TM6SF1: variants seen among roughly 807,000 people sequenced by gnomAD.
TM6SF1 encodes transmembrane 6 superfamily member 1.
TM6SF1 carries 43 observed loss-of-function variants against 47.1 expected under a neutral mutation model. The observed-to-expected ratio is 0.91, with a 90% CI of 0.72 to 1.18. The LOEUF (loss-of-function observed/expected upper bound fraction) is 1.18. TM6SF1 is among the 50% of genes most tolerant of loss of function. The pLI is 0.00. For synonymous variants in TM6SF1, 177 were observed against 166.3 expected (o/e 1.06, Z -0.49); for missense variants, 390 against 449.0 (o/e 0.87, Z 1.19).
chr15:83,116,857 C>T (rs1475216903), intron 3 of TM6SF1, among the ~76,000 whole-genome samples: 1 of 152,146 alleles, frequency 6.6e-6, no homozygotes. Flanking sequence ...CTGATTCCTG[C>T]TTTGGAATTT....
Position 83,136,633 on chromosome 15 carries a change from G to C in TM6SF1, c.1074G>C (p.Glu358Asp). 6.2e-7 allele frequency: 1 copy of C among 1,605,426 alleles called. No individual in the cohort carries two copies. Among genetic ancestry groups the C allele is most frequent in the Non-Finnish European group, 8.5e-7 (1 of 1,177,770 alleles). ...CCTATCGTTGTATCTACAAACCAGA[G>C]TTCTTCATAAAAACAAAGGCAGAAG... ...LLAYRCIYKP[E>D]FFIKTKAEEK... Residue 358 changes from glutamate to aspartate, a missense_variant, in exon 10 of 10, where the codon GAG becomes GAC. Glu to Asp is a conservative substitution (Grantham distance 45). Coordinates refer to ENST00000322019, the MANE Select transcript of TM6SF1 (RefSeq NM_023003.5).
intron 5 of TM6SF1, 35 bp from the exon 6 acceptor site, chr15:83,122,722 T>C (rs778418717): frequency 6.2e-7 from 1 of 1,606,882 alleles, no homozygotes; most frequent in Admixed American, 1.7e-5. Flanking sequence ...AGATATGCTT[T>C]TGGTAACTTC....
intron 1 of TM6SF1, among the ~76,000 whole-genome samples, chr15:83,110,144 G>T (rs1477822954): frequency 1.3e-5 from 2 of 152,142 alleles, no homozygotes; most frequent in African/African-American, 2.4e-5. Context: ...ACCAGAAAAA[G>T]AAAATTAGAT....
At chr15:83,122,372 A>G (rs887459159) in intron 5 of TM6SF1, among the ~76,000 whole-genome samples, 18 of 152,190 alleles carry the variant, frequency 1.2e-4, no homozygotes, top group Non-Finnish European at 5.9e-5. Flanking sequence ...TTATTAATGT[A>G]TGCAGGAAAT....
At chr15:83,115,498 T>G in intron 2 of TM6SF1, 1 of 406,718 alleles carries the variant, frequency 2.5e-6, no homozygotes, top group Non-Finnish European at 4.7e-6. Flanking sequence ...ACTGCCCATG[T>G]GGGATGTGGG....
intron 3 of TM6SF1, 101 bp from the exon 4 acceptor site, chr15:83,119,477 A>G (rs925479818): frequency 1.0e-5 from 12 of 1,185,230 alleles, no homozygotes; most frequent in Non-Finnish European, 1.3e-5. Context: ...GCAGATGAAC[A>G]CAAGTTAGTT....
intron 7 of TM6SF1, among the ~76,000 whole-genome samples, chr15:83,125,551 A>G (rs990837402): frequency 6.6e-6 from 1 of 152,240 alleles, no homozygotes; most frequent in Non-Finnish European, 1.5e-5. Context: ...GCTCTTATAC[A>G]TAGTAAATGA....
chr15:83,127,643 T>C, intron 9 of TM6SF1, 166 bp downstream of exon 9: 1 of 687,030 alleles, frequency 1.5e-6, no homozygotes. Context: ...TACATTTTAT[T>C]TCAATCTCAC....
At chr15:83,108,291 G>T (rs1458805243) in intron 1 of TM6SF1, among the ~76,000 whole-genome samples, 2 of 152,152 alleles carry the variant, frequency 1.3e-5, no homozygotes, top group Non-Finnish European at 2.9e-5. Context: ...GCCTGGCTTT[G>T]GCACTGACGG....
At chr15:83,120,587 C>CTTTTT (rs993490763) in intron 4 of TM6SF1, among the ~76,000 whole-genome samples, 2 of 125,938 alleles carry the variant, frequency 1.6e-5, no homozygotes, top group African/African-American at 2.9e-5. Flanking sequence ...CCAGCTAATT[C>CTTTTT]TTTTTTTTTT....
intron 9 of TM6SF1, chr15:83,135,222 T>C (rs2036531189): frequency 6.6e-6 from 1 of 152,210 alleles, no homozygotes; most frequent in Non-Finnish European, 1.5e-5. Context: ...TTCATAAAGA[T>C]GCTGCTTAAA....
chr15:83,124,436 T>C (rs1051392205), intron 6 of TM6SF1, among the ~76,000 whole-genome samples: 2 of 152,168 alleles, frequency 1.3e-5, no homozygotes, highest in African/African-American at 2.4e-5. Context: ...AGTGGACTCA[T>C]AGAGCTACAA....
rs377236090 is a variant in TM6SF1 at position 83,121,274 on chromosome 15, G to A, written c.399-647G>A. On this transcript the variant is annotated intron_variant, in intron 4 of 9. Transcript: ENST00000322019. Reference sequence around the variant, plus strand: ...TTTTTGTACTTTTAGTAGAGATGGCGTTTCACCATGTTGGCCAGGCTGGTT... The same window carrying A: ...TTTTTGTACTTTTAGTAGAGATGGCATTTCACCATGTTGGCCAGGCTGGTT... 8.9e-5 allele frequency among the ~76,000 whole-genome samples: 13 copies of A among 145,934 alleles called. No individual in the cohort carries two copies. The East Asian group carries it at 1.4e-3, about 16-fold the overall frequency.
At position 83,121,914 on chromosome 15, in the gene TM6SF1, G is replaced by T. The variant is rs368217801; in HGVS notation, c.399-7G>T. On this transcript the variant is annotated splice_polypyrimidine_tract_variant and splice_region_variant and intron_variant, in intron 4 of 9. Transcript: ENST00000322019. ...AAGTCAAGATTTTTTTGTTGTTGTT[G>T]TTACAGGGAAACTTATAGAACCATT... 3.1e-5 allele frequency: 50 copies of T among 1,592,188 alleles called. No homozygotes were observed. In the African/African-American group the frequency reaches 6.4e-4, roughly 20 times the overall value.
intron 9 of TM6SF1, chr15:83,133,731 T>G (rs1285893969): frequency 2.6e-5 from 4 of 152,276 alleles, no homozygotes; most frequent in African/African-American, 9.6e-5. Context: ...CTTGTGCTGC[T>G]GGGAACATCA....
At chr15:83,135,832 A>G (rs1275481217) in intron 9 of TM6SF1, 1 of 152,138 alleles carries the variant, frequency 6.6e-6, no homozygotes, top group African/African-American at 2.4e-5. Flanking sequence ...TCCTACCTCC[A>G]CCCAAGTTGG....
chr15:83,110,541 G>A (rs1332415285), intron 1 of TM6SF1, among the ~76,000 whole-genome samples: 1 of 152,214 alleles, frequency 6.6e-6, no homozygotes, highest in Non-Finnish European at 1.5e-5. Flanking sequence ...TCCTGCTCCA[G>A]AAGAGCACCA....
chr15:83,123,925 C>T (rs926111206), intron 6 of TM6SF1, among the ~76,000 whole-genome samples: 1 of 152,064 alleles, frequency 6.6e-6, no homozygotes, highest in South Asian at 2.1e-4. Flanking sequence ...AATTGCTCTG[C>T]AAAGCAATTT....
At chr15:83,111,536 C>A (rs891328839) in intron 1 of TM6SF1, 2 of 836,272 alleles carry the variant, frequency 2.4e-6, no homozygotes, top group African/African-American at 3.7e-5. Context: ...TTGTTCCCCC[C>A]TTCCCTCCCT....
Sources: allele counts gnomAD v4.1 joint callset (sites outside exome capture counted in the v4.1 genomes callset), GRCh38; gene constraint gnomAD v4.1.1; transcripts MANE v1.5; gene names NCBI Gene and HGNC (gene_info 2026-07-23, HGNC 2026-07-21).